Variants in SIL1 observed in about 807,000 individuals in gnomAD.
The protein encoded by SIL1 is SIL1 nucleotide exchange factor, also known as nucleotide exchange factor SIL1.
A neutral mutation model predicts 49.1 loss-of-function variants in SIL1; 40 were observed. That is an observed-to-expected ratio of 0.81 (90% CI 0.63 to 1.06). The LOEUF (loss-of-function observed/expected upper bound fraction) is 1.06, where lower values mean the gene tolerates loss of function less well. Among genes scored for constraint, SIL1 ranks in the 50% least tolerant of loss-of-function variants. The probability of loss-of-function intolerance (pLI) is 0.00; values close to 1 mark genes in which losing one functional copy is unlikely to be tolerated. For synonymous variants in SIL1, 253 were observed against 250.8 expected (o/e 1.01, Z -0.08); for missense variants, 500 against 572.6 (o/e 0.87, Z 1.29).
chr5:138,978,379 C>A (rs904821838), intron 7 of SIL1, among the ~76,000 whole-genome samples: 11 of 152,130 alleles, frequency 7.2e-5, no homozygotes, highest in Admixed American at 1.3e-4. Flanking sequence ...TACTTCATTT[C>A]TTTTTATTGC....
intron 3 of SIL1, among the ~76,000 whole-genome samples, chr5:139,069,709 T>C (rs1478272132): frequency 6.6e-6 from 1 of 152,190 alleles, no homozygotes; most frequent in Non-Finnish European, 1.5e-5. Flanking sequence ...GTAAGGCATA[T>C]TCTAGTAAAA....
At chr5:138,949,411 C>T (rs1766711917) in intron 9 of SIL1, among the ~76,000 whole-genome samples, 1 of 152,238 alleles carries the variant, frequency 6.6e-6, no homozygotes, top group Admixed American at 6.5e-5. Flanking sequence ...CAACATGCTG[C>T]AGTGATCCCC....
chr5:139,136,796 T>C (rs934931900), intron 1 of SIL1, among the ~76,000 whole-genome samples: 1 of 151,996 alleles, frequency 6.6e-6, no homozygotes, highest in African/African-American at 2.4e-5. Flanking sequence ...TTCACTAAAG[T>C]CTTAATGAGA....
At chr5:139,106,335 A>G (rs1029117493) in intron 3 of SIL1, among the ~76,000 whole-genome samples, 1 of 152,248 alleles carries the variant, frequency 6.6e-6, no homozygotes, top group African/African-American at 2.4e-5. Flanking sequence ...TAAAAGAGAA[A>G]TGGCAGTTCA....
chr5:139,134,273 T>C (rs1750926854), intron 1 of SIL1, among the ~76,000 whole-genome samples: 1 of 152,204 alleles, frequency 6.6e-6, no homozygotes, highest in African/African-American at 2.4e-5. Flanking sequence ...GAGTAGCAGA[T>C]ATGGTGTGCC....
intron 3 of SIL1, among the ~76,000 whole-genome samples, chr5:139,113,241 T>C (rs2151789460): frequency 6.6e-6 from 1 of 151,844 alleles, no homozygotes; most frequent in Non-Finnish European, 1.5e-5. Context: ...TCCACTATTG[T>C]CCTATGACCC....
chr5:138,999,741 G>GT (rs905102328), intron 7 of SIL1, among the ~76,000 whole-genome samples: 117 of 152,078 alleles, frequency 7.7e-4, no homozygotes, highest in African/African-American at 2.6e-3. Flanking sequence ...AGTTCTAACA[G>GT]TTTTTTTTGT....
At chr5:139,073,322 T>C (rs987720214) in intron 3 of SIL1, among the ~76,000 whole-genome samples, 3 of 152,158 alleles carry the variant, frequency 2.0e-5, no homozygotes, top group Non-Finnish European at 4.4e-5. Context: ...AATGCAGGAA[T>C]AGAATACAGA....
intron 1 of SIL1, among the ~76,000 whole-genome samples, chr5:139,170,765 C>T (rs1355619201): frequency 4.0e-5 from 6 of 151,778 alleles, no homozygotes; most frequent in Admixed American, 6.6e-5. Context: ...CCACCCCGTC[C>T]GGAAGGGAGG....
chr5:138,955,689 T>G (rs949593987), intron 7 of SIL1, among the ~76,000 whole-genome samples: 5 of 152,210 alleles, frequency 3.3e-5, no homozygotes, highest in Admixed American at 6.5e-5. Flanking sequence ...TACATAATTT[T>G]CAGGCCCAAG....
intron 1 of SIL1, among the ~76,000 whole-genome samples, chr5:139,172,992 C>T (rs1751805652): frequency 6.6e-6 from 1 of 151,902 alleles, no homozygotes; most frequent in African/African-American, 2.4e-5. Flanking sequence ...GATGTTGCAA[C>T]ACCACATTTT....
intron 3 of SIL1, among the ~76,000 whole-genome samples, chr5:139,090,422 C>T (rs372930332): frequency 3.3e-5 from 5 of 152,186 alleles, no homozygotes; most frequent in African/African-American, 9.6e-5. Context: ...CAAACAGGAG[C>T]GCACAGAAAT....
Position 139,093,131 on chromosome 5 carries a change from T to C in SIL1, c.244+27904A>G, listed in dbSNP as rs530839029. The stretch of plus-strand genomic sequence containing the variant: ...CATAGCAACACTCCGTCTCTTTTGT[T>C]CCCCCCCACAAAAGGCAAGTTCAGC... On this transcript the variant is annotated intron_variant, in intron 3 of 9. Transcript: ENST00000394817. Among the ~76,000 whole-genome samples the C allele has an allele frequency of 2.6e-5, 4 of 151,688 alleles. No homozygotes were observed. The East Asian group carries it at 7.8e-4, about 29-fold the overall frequency.
chr5:139,156,398 A>AT (rs1231413025), intron 1 of SIL1, among the ~76,000 whole-genome samples: 4 of 118,010 alleles, frequency 3.4e-5, no homozygotes, highest in Non-Finnish European at 8.2e-5. Context: ...ATGTTACCTT[A>AT]TTAAAAAAAA....
rs757749329 is a variant in SIL1 at position 139,123,253 on chromosome 5, G to A, written c.106-2080C>T. Among the ~76,000 whole-genome samples, 10 of 152,280 alleles carry A rather than the reference G, an allele frequency of 6.6e-5. No individual in the cohort carries two copies. The East Asian group carries it at 1.5e-3, about 24-fold the overall frequency. On this transcript the variant is annotated intron_variant, in intron 2 of 9. Transcript: ENST00000394817. ...AAGAAAACTAGGAATAGAAGAATAGGTGTGCTTATGAGACTACAGAGAAGA... is the reference window on the plus strand; with the variant it reads ...AAGAAAACTAGGAATAGAAGAATAGATGTGCTTATGAGACTACAGAGAAGA...
intron 7 of SIL1, among the ~76,000 whole-genome samples, chr5:138,961,454 A>G (rs1767018143): frequency 6.6e-6 from 1 of 152,220 alleles, no homozygotes; most frequent in Non-Finnish European, 1.5e-5. Context: ...AATAAGCAGT[A>G]AGGACAGAGA....
chr5:139,137,399 T>C (rs1430243153), intron 1 of SIL1: 6 of 701,544 alleles, frequency 8.6e-6, no homozygotes, highest in Non-Finnish European at 1.6e-5. Flanking sequence ...AAAGCCATGC[T>C]CTTTCCATAG....
intron 5 of SIL1, among the ~76,000 whole-genome samples, chr5:139,038,071 C>T (rs1768958048): frequency 6.6e-6 from 1 of 152,106 alleles, no homozygotes; most frequent in African/African-American, 2.4e-5. Flanking sequence ...GGACATTAAT[C>T]CCTCTTGAGC....
intron 1 of SIL1, among the ~76,000 whole-genome samples, chr5:139,136,757 C>A (rs915911478): frequency 6.6e-6 from 1 of 152,068 alleles, no homozygotes; most frequent in East Asian, 1.9e-4. Context: ...AGATTTGAGG[C>A]CACATTTCTA....
Sources: allele counts gnomAD v4.1 joint callset (sites outside exome capture counted in the v4.1 genomes callset), GRCh38; gene constraint gnomAD v4.1.1; transcripts MANE v1.5; gene names NCBI Gene and HGNC (gene_info 2026-07-23, HGNC 2026-07-21).